PPM1E: variants seen among roughly 807,000 people sequenced by gnomAD.
PPM1E encodes protein phosphatase 1E.
A neutral mutation model predicts 65.9 loss-of-function variants in PPM1E; 20 were observed. The observed-to-expected ratio is 0.30, with a 90% CI of 0.21 to 0.44. PPM1E has a LOEUF of 0.44. Among genes scored for constraint, PPM1E ranks in the 20% least tolerant of loss-of-function variants. PPM1E has a pLI of 1.00. For synonymous variants in PPM1E, 352 were observed against 374.9 expected (o/e 0.94, Z 0.70); for missense variants, 713 against 953.1 (o/e 0.75, Z 3.32).
chr17:58,949,615 A>G (rs2052208909), intron 1 of PPM1E, among the ~76,000 whole-genome samples: 1 of 151,900 alleles, frequency 6.6e-6, no homozygotes, highest in South Asian at 2.1e-4. Context: ...CCCTCCTATT[A>G]TTTATTTTTG....
At chr17:58,868,568 C>CTT (rs533820677) in intron 1 of PPM1E, among the ~76,000 whole-genome samples, 2,938 of 128,256 alleles carry the variant, frequency 0.023, 124 homozygotes, top group East Asian at 0.16. Context: ...AATGTCCAGG[C>CTT]TTTTTTTTTT....
chr17:58,773,428 C>G (rs566941633), intron 1 of PPM1E, among the ~76,000 whole-genome samples: 114 of 152,128 alleles, frequency 7.5e-4, no homozygotes, highest in Non-Finnish European at 1.2e-3. Context: ...TCTAAAGAGA[C>G]AGGCTTCAAC....
At chr17:58,821,972 G>A (rs2050484685) in intron 1 of PPM1E, among the ~76,000 whole-genome samples, 1 of 152,202 alleles carries the variant, frequency 6.6e-6, no homozygotes, top group Admixed American at 6.5e-5. Flanking sequence ...TCAAGGTAAT[G>A]AGATTTTGAA....
At chr17:58,964,553 G>A (rs1047531168) in intron 2 of PPM1E, among the ~76,000 whole-genome samples, 4 of 152,080 alleles carry the variant, frequency 2.6e-5, no homozygotes, top group Admixed American at 6.6e-5. Flanking sequence ...TAGGTGAAGC[G>A]GTAGGTTTAG....
At chr17:58,950,235 G>A (rs2052216791) in intron 1 of PPM1E, among the ~76,000 whole-genome samples, 2 of 152,132 alleles carry the variant, frequency 1.3e-5, no homozygotes, top group Non-Finnish European at 2.9e-5. Context: ...GATGGCGGGT[G>A]CCTGTAATCC....
intron 1 of PPM1E, among the ~76,000 whole-genome samples, chr17:58,881,043 A>C (rs568296263): frequency 6.6e-6 from 1 of 152,142 alleles, no homozygotes; most frequent in Non-Finnish European, 1.5e-5. Flanking sequence ...AAGTAAAGTC[A>C]TTATTGTTTT....
intron 1 of PPM1E, among the ~76,000 whole-genome samples, chr17:58,818,034 C>T (rs374833369): frequency 4.6e-5 from 7 of 152,104 alleles, no homozygotes; most frequent in South Asian, 2.1e-4. Context: ...CCACCGCGCC[C>T]GGCCCACTCT....
intron 1 of PPM1E, among the ~76,000 whole-genome samples, chr17:58,934,562 T>G (rs960409424): frequency 6.6e-6 from 1 of 152,186 alleles, no homozygotes; most frequent in East Asian, 1.9e-4. Context: ...ATCTGGGCAC[T>G]AGACATCAAA....
chr17:58,933,096 T>C (rs1448021122), intron 1 of PPM1E, among the ~76,000 whole-genome samples: 1 of 152,186 alleles, frequency 6.6e-6, no homozygotes, highest in East Asian at 1.9e-4. Flanking sequence ...GACTATACCA[T>C]CTGGGTTTAT....
At chr17:58,938,937 C>T (rs1387814138) in intron 1 of PPM1E, among the ~76,000 whole-genome samples, 3 of 151,898 alleles carry the variant, frequency 2.0e-5, no homozygotes, top group African/African-American at 7.3e-5. Flanking sequence ...TACAAGTGCC[C>T]ACCACCACGC....
intron 1 of PPM1E, among the ~76,000 whole-genome samples, chr17:58,845,935 C>T (rs1180204401): frequency 1.3e-5 from 2 of 152,190 alleles, no homozygotes; most frequent in Non-Finnish European, 2.9e-5. Context: ...CCGAACTCGG[C>T]CTCCCAAAAT....
intron 1 of PPM1E, among the ~76,000 whole-genome samples, chr17:58,832,599 C>T (rs531439759): frequency 3.3e-5 from 5 of 152,086 alleles, no homozygotes; most frequent in Non-Finnish European, 5.9e-5. Context: ...TGCATAATAA[C>T]GTAACATGAA....
In PPM1E at chr17:58,756,100, C is replaced by A; in HGVS notation, c.103C>A (p.Pro35Thr). 1 of 1,591,258 alleles carries A rather than the reference C, an allele frequency of 6.3e-7. No homozygotes were observed. The change falls in exon 1 of 7, where the codon CCC (proline) becomes ACC (threonine). Residue 35 changes from proline (P) to threonine (T), a missense_variant. This residue lies in a region of PPM1E where 212 missense variants were observed against 204.0 expected (regional missense o/e 1.04). Coordinates refer to ENST00000308249, the MANE Select transcript of PPM1E (RefSeq NM_014906.5). ...CGGCGGCGGCGAGCCGGAGCCGGAA[C>A]CCGAACCCGAACCCGAACCCGAACC... is the stretch of plus-strand genomic sequence containing the variant. ...PCGGGEPEPE[P>T]EPEPEPEPES...
chr17:58,827,363 C>T (rs1235471199), intron 1 of PPM1E, among the ~76,000 whole-genome samples: 1 of 151,460 alleles, frequency 6.6e-6, no homozygotes, highest in Non-Finnish European at 1.5e-5. Context: ...GGTCTCCTGA[C>T]CTCTGGTGAT....
intron 6 of PPM1E, among the ~76,000 whole-genome samples, chr17:58,973,880 A>G (rs1177664657): frequency 7.8e-6 from 1 of 128,670 alleles, no homozygotes; most frequent in East Asian, 2.5e-4. Context: ...TGAATCTGGG[A>G]GGCGGAGGTT....
chr17:58,885,386 C>A (rs367723146), intron 1 of PPM1E, among the ~76,000 whole-genome samples: 9 of 152,284 alleles, frequency 5.9e-5, no homozygotes, highest in African/African-American at 2.2e-4. Context: ...TCAAACAGTT[C>A]TTTTGACATC....
At chr17:58,858,513 A>C (rs2050906871) in intron 1 of PPM1E, among the ~76,000 whole-genome samples, 1 of 151,070 alleles carries the variant, frequency 6.6e-6, no homozygotes, top group Non-Finnish European at 1.5e-5. Flanking sequence ...TTTTACTTCC[A>C]TGAGATCAAT....
At chr17:58,785,719 G>A (rs1030206246) in intron 1 of PPM1E, 1 of 151,732 alleles carries the variant, frequency 6.6e-6, no homozygotes, top group Non-Finnish European at 1.5e-5. Context: ...AAGACCCCCA[G>A]TGGATGACTG....
Position 58,784,016 on chromosome 17 carries a change from TTTTTGTTTTG to T in PPM1E, c.464+27571_464+27580del, listed in dbSNP as rs554744120. Among the ~76,000 whole-genome samples the T allele has an allele frequency of 1.7e-3, 250 of 149,310 alleles. 1 individual carries two copies. The highest frequency in any genetic ancestry group is 8.1e-3 in the South Asian group (38 of 4,694). ...GTGAGCCACCGTGCCCGGCCTGTTT[TTTTTGTTTTG>T]TTTTGTTTTGTTTTGAGACAGAGTC... On this transcript the variant is annotated intron_variant, in intron 1 of 6. Coordinates refer to ENST00000308249, the MANE Select transcript of PPM1E (RefSeq NM_014906.5).
Sources: gnomAD v4.1 joint callset for allele counts (sites outside exome capture counted in the v4.1 genomes callset) on GRCh38, gnomAD v4.1.1 for gene constraint, gnomAD v4.1.1 regional missense constraint, MANE v1.5 for transcripts, NCBI Gene and HGNC (gene_info 2026-07-23, HGNC 2026-07-21) for gene names.